SLC5A10: variants seen among roughly 807,000 people sequenced by gnomAD.
The protein encoded by SLC5A10 is sodium/mannose cotransporter SLC5A10.
A neutral mutation model predicts 68.9 loss-of-function variants in SLC5A10; 55 were observed. The observed-to-expected ratio is 0.80, with a 90% CI of 0.64 to 1.00. SLC5A10 has a LOEUF of 1.00. Among genes scored for constraint, SLC5A10 ranks in the 50% least tolerant of loss-of-function variants. SLC5A10 has a pLI of 0.00. For synonymous variants in SLC5A10, 344 were observed against 344.8 expected, an observed-to-expected ratio of 1.00 and a Z score of 0.02; for missense variants, 732 against 819.3, an observed-to-expected ratio of 0.89 and a Z score of 1.30.
chr17:19,007,656 G>C (rs2043923286), intron 9 of SLC5A10, among the ~76,000 whole-genome samples: 1 of 152,156 alleles, frequency 6.6e-6, no homozygotes, highest in Non-Finnish European at 1.5e-5. Context: ...ATATATTCTA[G>C]CTACAGGACC....
Position 19,003,605 on chromosome 17 carries a change from CG to C in SLC5A10, c.983-9802del. 6.2e-7 allele frequency: 1 copy of C among 1,611,166 alleles called. No homozygotes were observed. Among genetic ancestry groups the C allele is most frequent in the Non-Finnish European group, 8.5e-7 (1 of 1,178,896 alleles). On this transcript the variant is annotated intron_variant, in intron 9 of 14. Coordinates refer to ENST00000395645, the MANE Select transcript of SLC5A10 (RefSeq NM_001042450.4). The surrounding 1 kb of genome is among the most constrained non-coding windows in gnomAD (Gnocchi z 4.5). ...GGGGGGCTGCATGTAGACGCTAGCC[CG>C]GGTCACGCCGCGGTAGGCGATGGTG...
At chr17:19,015,370 T>C (rs1021235020) in intron 11 of SLC5A10, among the ~76,000 whole-genome samples, 171 bp downstream of exon 11, 1 of 152,156 alleles carries the variant, frequency 6.6e-6, no homozygotes, top group Admixed American at 6.5e-5. Context: ...ATTGCTCTCC[T>C]GTCCACCTCT....
At chr17:18,977,846 C>T (rs372021645) in intron 9 of SLC5A10, 17 of 1,610,836 alleles carry the variant, frequency 1.1e-5, no homozygotes, top group East Asian at 6.7e-5. Flanking sequence ...TGAGGGCCGT[C>T]GGGGGCCAGG....
At chr17:18,969,460 C>T (rs1047639194) in intron 7 of SLC5A10, 38 bp downstream of exon 7, 3 of 1,585,966 alleles carry the variant, frequency 1.9e-6, no homozygotes, top group Admixed American at 1.7e-5. Flanking sequence ...GGGCTGTCCC[C>T]ACAGCGAGCC....
chr17:19,017,179 C>T lies in SLC5A10; in HGVS notation c.1241+1980C>T. 3 of 1,032,414 alleles carry T rather than the reference C, an allele frequency of 2.9e-6. No individual in the cohort carries two copies. The highest frequency in any genetic ancestry group is 1.6e-5 in the African/African-American group (1 of 63,016). The allele number at this position is 1,032,414 out of a possible 1,614,324, so 64.0% of individuals were successfully genotyped here. A position where few individuals can be genotyped will look rare whatever the true frequency, so the allele number is the denominator to read the frequency against. On this transcript the variant is annotated intron_variant, in intron 11 of 14. Coordinates refer to ENST00000395645, the MANE Select transcript of SLC5A10 (RefSeq NM_001042450.4). This position sits in a 1 kb window ranked among gnomAD's most constrained non-coding sequence, Gnocchi z 5.6. ...GCTGCGTGGTGCAGGGCAGGTTGCT[C>T]ACCCTCTCTGGGCCCCAGTTCTCTC...
intron 1 of SLC5A10, among the ~76,000 whole-genome samples, chr17:18,956,260 G>T (rs2042498677): frequency 6.6e-6 from 1 of 151,482 alleles, no homozygotes; most frequent in African/African-American, 2.4e-5. Context: ...ATAAAGCTTT[G>T]AATGGTGAGT....
upstream of SLC5A10, among the ~76,000 whole-genome samples, chr17:18,951,200 A>C (rs1701593828): frequency 6.6e-6 from 1 of 152,246 alleles, no homozygotes; most frequent in African/African-American, 2.4e-5. Context: ...GAGGCGTGAG[A>C]CTGCCGGCCA....
At position 19,015,205 on chromosome 17, in the gene SLC5A10, G is replaced by T; in HGVS notation, c.1241+6G>T. 6.7e-7 allele frequency: 1 copy of T among 1,494,210 alleles called. No individual in the cohort carries two copies. The highest frequency in any genetic ancestry group is 9.2e-7 in the Non-Finnish European group (1 of 1,086,524). The allele number at this position is 1,494,210 out of a possible 1,614,324, so 92.6% of individuals were successfully genotyped here. On this transcript the variant is annotated splice_donor_region_variant and intron_variant, in intron 11 of 14. Transcript: ENST00000395645. ...GAGCTCCTGCTGGTGGGACGGTACGGGGGTGGGGGCCAGTACGGGGGTGGG... is the reference window on the plus strand; with the variant it reads ...GAGCTCCTGCTGGTGGGACGGTACGTGGGTGGGGGCCAGTACGGGGGTGGG...
intron 5 of SLC5A10, among the ~76,000 whole-genome samples, chr17:18,966,889 G>A (rs1002277276): frequency 5.3e-5 from 8 of 152,212 alleles, no homozygotes; most frequent in Middle Eastern, 3.4e-3. Context: ...GCAGGGTGCC[G>A]GCAGGGTGGA....
intron 8 of SLC5A10, chr17:18,976,582 G>A (rs2042985732): frequency 2.3e-6 from 1 of 441,016 alleles, no homozygotes; most frequent in Non-Finnish European, 4.1e-6. Context: ...GTGGTGGGCT[G>A]GGCAGGATCC....
At chr17:19,005,352 G>T (rs1035842664) in intron 9 of SLC5A10, among the ~76,000 whole-genome samples, 5 of 152,318 alleles carry the variant, frequency 3.3e-5, no homozygotes, top group African/African-American at 1.2e-4. Flanking sequence ...GCCGCTGTGG[G>T]CTGGGGTCAG....
At chr17:18,982,454 CG>C (rs960649833) in intron 9 of SLC5A10, among the ~76,000 whole-genome samples, 3 of 152,206 alleles carry the variant, frequency 2.0e-5, no homozygotes, top group Non-Finnish European at 4.4e-5. Context: ...GGGACACCCC[CG>C]GCACAGGACA....
chr17:18,957,008 G>A (rs967112408), intron 1 of SLC5A10, among the ~76,000 whole-genome samples: 1 of 152,122 alleles, frequency 6.6e-6, no homozygotes, highest in South Asian at 2.1e-4. Context: ...AATTAGCCAG[G>A]TGTGGTGGTG....
At chr17:18,978,344 G>A (rs781645582) in intron 9 of SLC5A10, 23 of 1,603,192 alleles carry the variant, frequency 1.4e-5, no homozygotes, top group Non-Finnish European at 2.0e-5. Flanking sequence ...CATCTGGCTG[G>A]GCTGGGGGTT....
intron 4 of SLC5A10, among the ~76,000 whole-genome samples, chr17:18,960,118 T>C (rs1219327978): frequency 2.6e-5 from 4 of 152,176 alleles, no homozygotes; most frequent in Admixed American, 2.6e-4. Flanking sequence ...GCCCCAGCCA[T>C]GCAGCCACTA....
intron 9 of SLC5A10, among the ~76,000 whole-genome samples, chr17:18,987,052 C>T (rs2152128410): frequency 6.6e-6 from 1 of 152,342 alleles, no homozygotes. Flanking sequence ...CTTGAAAGGA[C>T]TCAACCGGAG....
At position 19,017,341 on chromosome 17, in the gene SLC5A10, C is replaced by T. The variant is rs368326847; in HGVS notation, c.1242-2082C>T. On this transcript the variant is annotated intron_variant, in intron 11 of 14. Transcript: ENST00000395645. The surrounding 1 kb of genome is among the most constrained non-coding windows in gnomAD (Gnocchi z 5.6). ...AAAGCCGTCTCAGCTTCCTCCTGCC[C>T]GAAACACCACCATTGGAGCGGTATC... 1.5e-5 allele frequency: 23 copies of T among 1,551,908 alleles called. No homozygotes were observed. Among genetic ancestry groups the T allele is most frequent in the Admixed American group, 2.0e-5 (1 of 50,988 alleles).
upstream of SLC5A10, chr17:18,951,968 C>T: frequency 2.0e-6 from 1 of 503,720 alleles, no homozygotes; most frequent in South Asian, 3.2e-5. Flanking sequence ...TTTCCTCCTC[C>T]CACTTGCTTC....
At chr17:19,020,111 T>TTCCCTCCCCCCCCCCCCAC in intron 13 of SLC5A10, 44 bp from the exon 14 acceptor site, 1 of 276,324 alleles carries the variant, frequency 3.6e-6, no homozygotes, top group Non-Finnish European at 6.2e-6. Context: ...ACCCCCACCC[T>TTCCCTCCCCCCCCCCCCAC]GCCATCCCCC....
Sources: gnomAD v4.1 joint callset for allele counts (sites outside exome capture counted in the v4.1 genomes callset) on GRCh38, gnomAD v4.1.1 for gene constraint, Gnocchi (gnomAD v3.1) non-coding constraint, MANE v1.5 for transcripts, NCBI Gene and HGNC (gene_info 2026-07-23, HGNC 2026-07-21) for gene names.